Variants in CHST8 observed in about 807,000 individuals in gnomAD.
The protein encoded by CHST8 is carbohydrate sulfotransferase 8, also known as GALNAC-4-ST1.
In CHST8, 10 loss-of-function variants were observed where a neutral mutation model predicts 15.0. The observed-to-expected ratio is 0.67, with a 90% CI of 0.41 to 1.13. CHST8 has a LOEUF of 1.13. Ranked by LOEUF, CHST8 falls within the 50% of genes most tolerant of loss-of-function variation. The pLI is 0.00. For synonymous variants in CHST8, 259 were observed against 256.6 expected, an observed-to-expected ratio of 1.01 and a Z score of -0.09; for missense variants, 634 against 608.2, an observed-to-expected ratio of 1.04 and a Z score of -0.45.
chr19:33,736,253 G>A lies in CHST8; in HGVS notation c.131-35160G>A, dbSNP rs908799447. The stretch of plus-strand genomic sequence containing the variant: ...CCTGAAGGTCAACAGTGGAGGACTA[G>A]CCAGGAACTGATCACGCCAGATTCT... On this transcript the variant is annotated intron_variant, in intron 3 of 4. Coordinates refer to ENST00000650847, the MANE Select transcript of CHST8 (RefSeq NM_001127895.2). Among the ~76,000 whole-genome samples the A allele has an allele frequency of 1.3e-5, 2 of 152,222 alleles. 1 individual carries two copies. The highest frequency in any genetic ancestry group is 4.1e-4 in the South Asian group (2 of 4,838).
intron 3 of CHST8, among the ~76,000 whole-genome samples, chr19:33,697,791 C>G (rs62103465): frequency 1.5e-4 from 23 of 152,134 alleles, no homozygotes; most frequent in Non-Finnish European, 1.5e-4. Flanking sequence ...GGATTGGAGT[C>G]CTGAGAGAAT....
chr19:33,684,724 G>C (rs1210159947), intron 2 of CHST8: 1 of 146,918 alleles, frequency 6.8e-6, no homozygotes, highest in Admixed American at 7.1e-5. Context: ...GGCTCCCACC[G>C]ATCGATCGGC....
chr19:33,657,689 C>T (rs1202514203), intron 1 of CHST8, among the ~76,000 whole-genome samples: 6 of 152,028 alleles, frequency 3.9e-5, no homozygotes, highest in Non-Finnish European at 7.4e-5. Flanking sequence ...TCACAGCAGC[C>T]TCTCAAATAG....
In CHST8 at chr19:33,772,678, G is replaced by A. The variant is rs746174725; in HGVS notation, c.890G>A (p.Arg297Gln). The change falls in exon 5 of 5, where the codon CGG becomes CAG. Residue 297 changes from arginine (R) to glutamine (Q), a missense_variant. Coordinates refer to ENST00000650847, the MANE Select transcript of CHST8 (RefSeq NM_001127895.2). ...ILARYRANAS[R>Q]EALRTGSGVR... is the part of the protein sequence containing the mutation. ...GCCCGGTACCGCGCCAATGCCTCTC[G>A]GGAGGCCCTGCGGACCGGCTCTGGG... The A allele has an allele frequency of 1.2e-6, 2 of 1,613,738 alleles. No individual in the cohort carries two copies. Among genetic ancestry groups the A allele is most frequent in the Non-Finnish European group, 8.5e-7 (1 of 1,180,038 alleles).
intron 3 of CHST8, among the ~76,000 whole-genome samples, chr19:33,739,939 G>A (rs1029414290): frequency 6.6e-6 from 1 of 152,152 alleles, no homozygotes; most frequent in East Asian, 1.9e-4. Context: ...CTAATGGTTT[G>A]GGTTGGTGTG....
chr19:33,697,732 T>A lies in CHST8; in HGVS notation c.130+8341T>A, dbSNP rs1220472381. On this transcript the variant is annotated intron_variant, in intron 3 of 4. Transcript: ENST00000650847. ...GCACTTGGGGTACCCAGTATTGTTGTGTTCCGGACCTGGAGCAGAGCCTGG... is the reference window on the plus strand; with the variant it reads ...GCACTTGGGGTACCCAGTATTGTTGAGTTCCGGACCTGGAGCAGAGCCTGG... Among the ~76,000 whole-genome samples the A allele has an allele frequency of 2.0e-5, 3 of 152,338 alleles. No homozygotes were observed. The East Asian group carries it at 5.8e-4, about 29-fold the overall frequency.
intron 1 of CHST8, among the ~76,000 whole-genome samples, chr19:33,630,307 G>A (rs796901591): frequency 7.9e-5 from 12 of 152,370 alleles, no homozygotes; most frequent in African/African-American, 1.4e-4. Context: ...GGAGGAGCTC[G>A]GCATGGAGAA....
chr19:33,692,370 G>T (rs1973113598), intron 3 of CHST8, among the ~76,000 whole-genome samples: 2 of 152,114 alleles, frequency 1.3e-5, no homozygotes, highest in Non-Finnish European at 2.9e-5. Flanking sequence ...TTCTCCAAGA[G>T]AAAGACTTGG....
rs142228845 is a variant in CHST8, at chr19:33,768,425, A to G, written c.131-2988A>G. ...CCCCATCTCTAACTATTTCTAAAAT[A>G]AATGTAAATTTTTTTTCTTTTTCTT... On this transcript the variant is annotated intron_variant, in intron 3 of 4. Transcript: ENST00000650847. Among the ~76,000 whole-genome samples the G allele has an allele frequency of 1.2e-4, 18 of 152,216 alleles. No homozygotes were observed. The East Asian group carries it at 2.1e-3, about 18-fold the overall frequency.
intron 3 of CHST8, among the ~76,000 whole-genome samples, chr19:33,750,135 C>T (rs536636154): frequency 5.0e-4 from 76 of 152,256 alleles, no homozygotes; most frequent in Middle Eastern, 3.4e-3. Context: ...GTCTGGAACC[C>T]AAGAGAGGAG....
intron 3 of CHST8, among the ~76,000 whole-genome samples, chr19:33,691,007 G>A (rs1357084746): frequency 6.6e-6 from 1 of 152,208 alleles, no homozygotes; most frequent in Non-Finnish European, 1.5e-5. Flanking sequence ...GGGAGAGGAG[G>A]CATGAGTGTG....
rs1004444317 is a variant in CHST8 at position 33,742,366 on chromosome 19, T to C, written c.131-29047T>C. 2.6e-5 allele frequency among the ~76,000 whole-genome samples: 4 copies of C among 152,268 alleles called. No homozygotes were observed. The East Asian group carries it at 7.7e-4, about 29-fold the overall frequency. On this transcript the variant is annotated intron_variant, in intron 3 of 4. Transcript: ENST00000650847. ...AGGCTGTACAAGCGTGGCACCAACA[T>C]CTGCTCAGCCTCAGGAAGCTTTTAC...
At chr19:33,683,263 G>C (rs1600259663) in intron 2 of CHST8, among the ~76,000 whole-genome samples, 1 of 152,322 alleles carries the variant, frequency 6.6e-6, no homozygotes, top group African/African-American at 2.4e-5. Context: ...CAATTTTGTG[G>C]CATCTCAATG....
Position 33,636,197 on chromosome 19 carries a change from ATGCGGCAGACCTGTGCATCG to A in CHST8, c.-164+13902_-164+13921del, listed in dbSNP as rs1017831651. Among the ~76,000 whole-genome samples the A allele has an allele frequency of 1.8e-4, 28 of 152,106 alleles. 1 individual carries two copies. Among genetic ancestry groups the A allele is most frequent in the Admixed American group, 1.8e-3 (27 of 15,276 alleles). ...CGTTTTACGAGTCGATGCTAATTTG[ATGCGGCAGACCTGTGCATCG>A]CGCCAATTTACTGCCAAACCAACAT... On this transcript the variant is annotated intron_variant, in intron 1 of 4. Coordinates refer to ENST00000650847, the MANE Select transcript of CHST8 (RefSeq NM_001127895.2).
At chr19:33,695,543 T>C (rs1358943990) in intron 3 of CHST8, among the ~76,000 whole-genome samples, 2 of 152,120 alleles carry the variant, frequency 1.3e-5, no homozygotes, top group South Asian at 2.1e-4. Flanking sequence ...ATACCCAATA[T>C]GTAATCTTTT....
At chr19:33,712,941 C>A (rs970969740) in intron 3 of CHST8, among the ~76,000 whole-genome samples, 1 of 152,166 alleles carries the variant, frequency 6.6e-6, no homozygotes, top group Admixed American at 6.5e-5. Flanking sequence ...AAATCCATAG[C>A]CCTGGGGCTC....
At chr19:33,663,184 C>A (rs1318889910) in intron 1 of CHST8, among the ~76,000 whole-genome samples, 3 of 152,150 alleles carry the variant, frequency 2.0e-5, no homozygotes, top group Non-Finnish European at 2.9e-5. Flanking sequence ...ATCCTTCTTC[C>A]TGGGAAGAAC....
In CHST8 at chr19:33,757,554, A is replaced by G. The variant is rs1337219223; in HGVS notation, c.131-13859A>G. Among the ~76,000 whole-genome samples, 23 of 121,166 alleles carry G rather than the reference A, an allele frequency of 1.9e-4. 1 individual carries two copies. The highest frequency in any genetic ancestry group is 3.3e-4 in the Admixed American group (4 of 12,292). The allele number at this position is 121,166 out of a possible 152,430, so 79.5% of individuals were successfully genotyped here. ...AAAGAAAGAAAGAAAGAAAGAAAGA[A>G]AGAAAGAAAGAAAGAAAGAAAGAAA... On this transcript the variant is annotated intron_variant, in intron 3 of 4. Coordinates refer to ENST00000650847, the MANE Select transcript of CHST8 (RefSeq NM_001127895.2).
At chr19:33,643,098 T>A (rs1290611587) in intron 1 of CHST8, among the ~76,000 whole-genome samples, 4 of 152,240 alleles carry the variant, frequency 2.6e-5, no homozygotes, top group Non-Finnish European at 4.4e-5. Context: ...CAGCATAAAT[T>A]CCTAGAAGTG....
Sources: gnomAD v4.1 joint callset for allele counts (sites outside exome capture counted in the v4.1 genomes callset) on GRCh38, gnomAD v4.1.1 for gene constraint, MANE v1.5 for transcripts, NCBI Gene and HGNC (gene_info 2026-07-23, HGNC 2026-07-21) for gene names.